Variants in ATP9A observed in about 807,000 individuals in gnomAD.
The protein encoded by ATP9A is ATPase phospholipid transporting 9A, also known as probable phospholipid-transporting ATPase IIA.
Under a neutral mutation model 144.1 loss-of-function variants are expected in ATP9A, and 52 were observed. The observed-to-expected ratio is 0.36, with a 90% CI of 0.29 to 0.45. ATP9A has a LOEUF of 0.45. Ranked by LOEUF, ATP9A falls within the 20% of genes least tolerant of loss-of-function variation. ATP9A has a pLI of 1.00. For missense variants in ATP9A, 947 were observed against 1,392.7 expected (o/e 0.68, Z 5.09); for synonymous variants, 582 against 557.4 (o/e 1.04, Z -0.62).
intron 1 of ATP9A, among the ~76,000 whole-genome samples, chr20:51,748,952 C>T (rs199516867): frequency 9.5e-4 from 78 of 82,090 alleles, no homozygotes; most frequent in Admixed American, 2.5e-3. Context: ...GATAGATAGA[C>T]AGACAGACAG....
chr20:51,711,252 C>T (rs749437617), intron 4 of ATP9A, among the ~76,000 whole-genome samples: 3 of 152,152 alleles, frequency 2.0e-5, no homozygotes, highest in Non-Finnish European at 4.4e-5. Context: ...CCACCAACCA[C>T]GACAATGTAT....
intron 14 of ATP9A, among the ~76,000 whole-genome samples, chr20:51,641,692 G>A (rs181579855): frequency 1.2e-4 from 18 of 151,552 alleles, no homozygotes; most frequent in Non-Finnish European, 2.4e-4. Flanking sequence ...TAAGCTGGGC[G>A]TGGTGGCAGG....
chr20:51,640,811 A>T (rs1469831631), intron 14 of ATP9A, among the ~76,000 whole-genome samples: 1 of 152,220 alleles, frequency 6.6e-6, no homozygotes, highest in East Asian at 1.9e-4. Flanking sequence ...GGCTGCTGCC[A>T]CTATACACAC....
chr20:51,689,161 C>T (rs775317244), intron 8 of ATP9A, 22 bp from the exon 9 acceptor site: 5 of 1,611,968 alleles, frequency 3.1e-6, no homozygotes, highest in Admixed American at 3.3e-5. Flanking sequence ...CAAACGGACA[C>T]ACGTTCACCC....
chr20:51,606,834 C>T (rs1199675790), intron 26 of ATP9A, among the ~76,000 whole-genome samples: 26 of 151,950 alleles, frequency 1.7e-4, no homozygotes, highest in Admixed American at 1.6e-3. Flanking sequence ...GCCGTGATTG[C>T]TCCACTGAAC....
chr20:51,766,393 C>T (rs1052193114), intron 1 of ATP9A, among the ~76,000 whole-genome samples: 2 of 152,198 alleles, frequency 1.3e-5, no homozygotes, highest in African/African-American at 2.4e-5. Context: ...GTGGCTCCTG[C>T]ACATAGTAGG....
intron 23 of ATP9A, 59 bp from the exon 24 acceptor site, chr20:51,610,224 C>T (rs542972962): frequency 3.5e-6 from 5 of 1,410,654 alleles, no homozygotes; most frequent in Non-Finnish European, 5.0e-6. Context: ...CTTACATTTA[C>T]AGAATAAAAA....
intron 19 of ATP9A, among the ~76,000 whole-genome samples, chr20:51,621,147 CAAAA>C (rs377707016): frequency 9.8e-6 from 1 of 102,550 alleles, no homozygotes; most frequent in Non-Finnish European, 2.0e-5. Flanking sequence ...GGCCCCATCT[CAAAA>C]AAAAAAAAAA....
At chr20:51,602,307 G>A (rs1189632166) in intron 27 of ATP9A, among the ~76,000 whole-genome samples, 1 of 152,200 alleles carries the variant, frequency 6.6e-6, no homozygotes, top group Non-Finnish European at 1.5e-5. Context: ...CTGAGCACAG[G>A]ATGCTGAAAT....
intron 13 of ATP9A, among the ~76,000 whole-genome samples, chr20:51,660,077 C>A (rs181708268): frequency 1.8e-4 from 27 of 152,172 alleles, no homozygotes; most frequent in African/African-American, 5.8e-4. Context: ...AATCGAGAAC[C>A]CTTTTTTTAA....
intron 10 of ATP9A, 39 bp downstream of exon 10, chr20:51,676,093 C>T (rs1348723243): frequency 1.3e-6 from 2 of 1,541,240 alleles, no homozygotes; most frequent in African/African-American, 1.4e-5. Context: ...AACCAACCAG[C>T]CCACAGCCGG....
intron 1 of ATP9A, among the ~76,000 whole-genome samples, chr20:51,743,202 T>A (rs1265287155): frequency 6.6e-6 from 1 of 152,128 alleles, no homozygotes; most frequent in Non-Finnish European, 1.5e-5. Context: ...GGACTTCAGC[T>A]CCCTGGTGCC....
intron 1 of ATP9A, among the ~76,000 whole-genome samples, chr20:51,740,826 C>T (rs2077781832): frequency 6.6e-6 from 1 of 151,836 alleles, no homozygotes; most frequent in Non-Finnish European, 1.5e-5. Context: ...CCTCCCAGTT[C>T]AGCCTCTCAA....
chr20:51,713,485 GAT>G (rs1334615743), intron 3 of ATP9A, among the ~76,000 whole-genome samples: 1 of 152,202 alleles, frequency 6.6e-6, no homozygotes, highest in African/African-American at 2.4e-5. Context: ...ACAACCCTGA[GAT>G]ATGCTCCTAT....
In ATP9A at chr20:51,670,050, C is replaced by T. The variant is rs761728356; in HGVS notation, c.1240G>A (p.Gly414Ser). The T allele has an allele frequency of 1.5e-5, 25 of 1,613,980 alleles. No individual in the cohort carries two copies. The highest frequency in any genetic ancestry group is 4.4e-5 in the South Asian group (4 of 91,082). Residue 414 changes from glycine (G) to serine (S), a missense_variant, in exon 13 of 28, where the codon GGC (glycine) becomes AGC (serine). Around this residue, in one of 2 missense-constraint regions of ATP9A, gnomAD observed 770 missense variants for 1,047.9 expected, o/e 0.73. Coordinates refer to ENST00000338821, the MANE Select transcript of ATP9A (RefSeq NM_006045.3). ...TGTACTTCGTCCATTGAGTCGAGGC[C>T]GTAGGCTACTGTTCCGAGATGGAGC... ...KRLHLGTVAY[G>S]LDSMDEVQSH...
Position 51,671,165 on chromosome 20 carries a change from G to A in ATP9A, c.1130C>T (p.Thr377Met). 1.2e-6 allele frequency: 2 copies of A among 1,614,100 alleles called. No individual in the cohort carries two copies. Among genetic ancestry groups the A allele is most frequent in the Non-Finnish European group, 1.7e-6 (2 of 1,180,010 alleles). Reference protein sequence around the residue: ...KIPGTVVRSSTIPEQLGRISY... With the variant: ...KIPGTVVRSSMIPEQLGRISY... ...AATCCTGCCCAGCTGCTCAGGAATC[G>A]TGCTGGAGCGAACCACGGTCCCGGG... Residue 377 changes from threonine to methionine, a missense_variant, in exon 12 of 28, where the codon ACG (threonine) becomes ATG (methionine). Around this residue, in one of 2 missense-constraint regions of ATP9A, gnomAD observed 770 missense variants for 1,047.9 expected, o/e 0.73. Coordinates refer to ENST00000338821, the MANE Select transcript of ATP9A (RefSeq NM_006045.3).
Position 51,618,985 on chromosome 20 carries a change from C to A in ATP9A, c.2174G>T (p.Cys725Phe). 6.2e-7 allele frequency: 1 copy of A among 1,614,158 alleles called. No homozygotes were observed. The highest frequency in any genetic ancestry group is 8.5e-7 in the Non-Finnish European group (1 of 1,180,020). Residue 725 changes from cysteine to phenylalanine, a missense_variant, in exon 20 of 28, where the codon TGT becomes TTT. Cys to Phe is a radical substitution (Grantham distance 205). Coordinates refer to ENST00000338821, the MANE Select transcript of ATP9A (RefSeq NM_006045.3). ...ELNAFRRKHD[C>F]ALVISGDSLE... ...GGAGTCTCCCGAGATGACCAGGGCA[C>A]AATCATGCTTCCTGCGGAAGGCGTT...
rs1317837472 is a variant in ATP9A, at chr20:51,617,525, G to C, written c.2380C>G (p.Gln794Glu). 1 of 1,612,176 alleles carries C rather than the reference G, an allele frequency of 6.2e-7. No homozygotes were observed. The change falls in exon 22 of 28, where the codon CAG (glutamine) becomes GAG (glutamate). Residue 794 changes from glutamine to glutamate, a missense_variant. Physicochemically the swap from Gln to Glu is conservative, Grantham distance 29. Transcript: ENST00000338821. Reference sequence around the variant, plus strand: ...ACTCCCACGCCGCAGTCAGATTCCTGAATCATGCTGACGTCATTGCCTCCG... The same window carrying C: ...ACTCCCACGCCGCAGTCAGATTCCTCAATCATGCTGACGTCATTGCCTCCG... ...GDGGNDVSMI[Q>E]ESDCGVGVEG...
chr20:51,739,346 ACTCT>A (rs1456184276), intron 1 of ATP9A, among the ~76,000 whole-genome samples: 1 of 119,536 alleles, frequency 8.4e-6, no homozygotes, highest in Non-Finnish European at 1.7e-5. Context: ...TCCTACACTC[ACTCT>A]TTTTTTTTTT....
Sources: allele counts gnomAD v4.1 joint callset (sites outside exome capture counted in the v4.1 genomes callset), GRCh38; gene constraint gnomAD v4.1.1; regional missense constraint gnomAD v4.1.1; transcripts MANE v1.5; gene names NCBI Gene and HGNC (gene_info 2026-07-23, HGNC 2026-07-21).